The following HMCN2 variants were observed in gnomAD, a reference collection of about 807,000 sequenced individuals.
The protein encoded by HMCN2 is hemicentin 2.
HMCN2 carries 325 observed loss-of-function variants against 377.5 expected under a neutral mutation model. The observed-to-expected ratio is 0.86, with a 90% CI of 0.79 to 0.94. HMCN2 has a LOEUF of 0.94. Ranked by LOEUF, HMCN2 falls within the 40% of genes least tolerant of loss-of-function variation. The pLI is 0.00. For synonymous variants in HMCN2, 2,007 were observed against 2,046.8 expected, an observed-to-expected ratio of 0.98 and a Z score of 0.53; for missense variants, 4,543 against 4,725.3, an observed-to-expected ratio of 0.96 and a Z score of 1.13.
chr9:130,267,128 T>G (rs1554919385), intron 1 of HMCN2, among the ~76,000 whole-genome samples: 2 of 151,938 alleles, frequency 1.3e-5, no homozygotes, highest in Non-Finnish European at 2.9e-5. Flanking sequence ...AAATTTTTTA[T>G]AGACATGGAG....
In HMCN2 at chr9:130,353,033, C is replaced by T. The variant is rs1444692090; in HGVS notation, c.4692C>T (p.Ile1564=). 1.5e-6 allele frequency: 2 copies of T among 1,304,210 alleles called. No homozygotes were observed. The highest frequency in any genetic ancestry group is 2.5e-5 in the South Asian group (2 of 81,018). The allele number at this position is 1,304,210 out of a possible 1,614,324, so 80.8% of individuals were successfully genotyped here. ...CEARGVPTPN[I]TWFKDGALLP... ...CTCGAGGAGTGCCCACCCCAAACAT[C>T]ACCTGGTTCAAGGACGGGGCCCTGC... The change falls in exon 31 of 98, where the codon ATC becomes ATT. Residue 1564 remains isoleucine (I), a synonymous_variant. Transcript: ENST00000683500.
rs1019818924 is a variant in HMCN2 at position 130,396,228 on chromosome 9, C to T, written c.11113C>T (p.Leu3705=). ...GAACGTCTCAGTGAACCAGACAGCC[C>T]TGCTGCCTTGCCAGGCCGACGGCGT... is the stretch of plus-strand genomic sequence containing the variant. ...AVNVSVNQTA[L]LPCQADGVPA... is the part of the protein sequence containing the mutation. The change falls in exon 73 of 98, where the codon CTG becomes TTG. Residue 3705 remains leucine, a synonymous_variant. Coordinates refer to ENST00000683500, the MANE Select transcript of HMCN2 (RefSeq NM_001291815.2). 4 of 1,286,856 alleles carry T rather than the reference C, an allele frequency of 3.1e-6. No individual in the cohort carries two copies. The highest frequency in any genetic ancestry group is 2.5e-5 in the South Asian group (2 of 80,964). The allele number at this position is 1,286,856 out of a possible 1,614,324, so 79.7% of individuals were successfully genotyped here.
At chr9:130,349,165 G>T (rs930038534) in intron 28 of HMCN2, 34 bp downstream of exon 28, 41 of 1,296,922 alleles carry the variant, frequency 3.2e-5, no homozygotes, top group Non-Finnish European at 4.1e-5. Context: ...ACTCCCAAGT[G>T]TGTCTGGCCC....
At chr9:130,309,814 T>C (rs1837124828) in intron 14 of HMCN2, 98 bp from the exon 15 acceptor site, 1 of 349,724 alleles carries the variant, frequency 2.9e-6, no homozygotes, top group African/African-American at 2.2e-5. Context: ...GCCCCAACCT[T>C]GTGCAGCCGC....
rs987886392 is a variant in HMCN2 at position 130,360,665 on chromosome 9, C to A, written c.5950+61C>A. The stretch of plus-strand genomic sequence containing the variant: ...AAAAGTTGTCTTTTCATTCATTTGT[C>A]TATTAGTCTGTCCATCCACCTGTCC... On this transcript the variant is annotated intron_variant, in intron 38 of 97. Transcript: ENST00000683500. The surrounding 1 kb of genome is among the most constrained non-coding windows in gnomAD (Gnocchi z 4.7). 7.3e-6 allele frequency: 8 copies of A among 1,090,820 alleles called. No homozygotes were observed. Among genetic ancestry groups the A allele is most frequent in the Admixed American group, 2.9e-5 (1 of 34,582 alleles). 67.6% of individuals were successfully genotyped at this position (1,090,820 alleles called of 1,614,324 possible). A position where few individuals can be genotyped will look rare whatever the true frequency, so the allele number is the denominator to read the frequency against.
intron 4 of HMCN2, among the ~76,000 whole-genome samples, chr9:130,287,504 T>C (rs1835478467): frequency 4.5e-5 from 6 of 133,554 alleles, no homozygotes. Flanking sequence ...TGAGCCAAGA[T>C]CGTGCCATTG....
At chr9:130,375,817 C>T in intron 50 of HMCN2, 59 bp from the exon 51 acceptor site, 3 of 982,252 alleles carry the variant, frequency 3.1e-6, no homozygotes, top group Non-Finnish European at 3.6e-6. Flanking sequence ...TGAGCCTGTC[C>T]TCATGCCTGG....
At position 130,403,740 on chromosome 9, in the gene HMCN2, G is replaced by A. The variant is rs1458429101; in HGVS notation, c.12014-1G>A. ...CCCCGATTTTCTTCTTCCTCGTTCA[G>A]GAGTGAGTACCCAGGTCCTACCAGG... On this transcript the variant is annotated splice_acceptor_variant, in intron 79 of 97. Coordinates refer to ENST00000683500, the MANE Select transcript of HMCN2 (RefSeq NM_001291815.2). LOFTEE classifies it high-confidence loss of function. The A allele has an allele frequency of 7.8e-7, 1 of 1,289,540 alleles. No homozygotes were observed. The highest frequency in any genetic ancestry group is 2.3e-5 in the Admixed American group (1 of 43,520). 79.9% of individuals were successfully genotyped at this position (1,289,540 alleles called of 1,614,324 possible).
chr9:130,290,013 G>A (rs1009738627), intron 4 of HMCN2, among the ~76,000 whole-genome samples: 1 of 152,222 alleles, frequency 6.6e-6, no homozygotes. Flanking sequence ...GGGTCGAGCA[G>A]CAGCCATCTG....
intron 15 of HMCN2, among the ~76,000 whole-genome samples, 179 bp downstream of exon 15, chr9:130,310,240 T>C (rs1286844494): frequency 1.3e-5 from 2 of 152,344 alleles, no homozygotes; most frequent in East Asian, 3.9e-4. Flanking sequence ...CATCAGCTCT[T>C]GCTGGGTAAC....
At chr9:130,272,496 C>T (rs913484303) in intron 1 of HMCN2, among the ~76,000 whole-genome samples, 6 of 152,054 alleles carry the variant, frequency 3.9e-5, no homozygotes, top group Admixed American at 3.3e-4. Flanking sequence ...CTGCCTTGGC[C>T]TCCCAAAGTC....
chr9:130,389,600 G>T (rs1334087365), intron 62 of HMCN2, among the ~76,000 whole-genome samples: 5 of 151,228 alleles, frequency 3.3e-5, no homozygotes, highest in Admixed American at 1.3e-4. Flanking sequence ...TTTGAGACGG[G>T]GTCTCGCTCT....
At chr9:130,291,195 T>C (rs564650022) in intron 4 of HMCN2, among the ~76,000 whole-genome samples, 2 of 152,314 alleles carry the variant, frequency 1.3e-5, no homozygotes, top group African/African-American at 4.8e-5. Context: ...ACAGCATACT[T>C]GCATACTTGA....
At chr9:130,357,687 G>C (rs937473808) in intron 34 of HMCN2, 147 bp from the exon 35 acceptor site, 11 of 413,404 alleles carry the variant, frequency 2.7e-5, no homozygotes, top group African/African-American at 2.3e-4. Flanking sequence ...TGCGTCTAGG[G>C]GATATGGTGG....
intron 1 of HMCN2, among the ~76,000 whole-genome samples, chr9:130,271,295 C>T (rs1478178889): frequency 1.3e-5 from 2 of 148,756 alleles, no homozygotes; most frequent in Non-Finnish European, 3.0e-5. Context: ...GTGTGCAGCC[C>T]ACGTTTAAAA....
intron 56 of HMCN2, 67 bp downstream of exon 56, chr9:130,382,933 G>A (rs1841809025): frequency 3.4e-6 from 3 of 893,908 alleles, no homozygotes; most frequent in South Asian, 5.1e-5. Flanking sequence ...TTGTCTGGGA[G>A]CCAGGGAGGG....
chr9:130,306,619 G>A (rs904922339), intron 12 of HMCN2, among the ~76,000 whole-genome samples, 192 bp from the exon 13 acceptor site: 6 of 147,116 alleles, frequency 4.1e-5, no homozygotes, highest in Admixed American at 7.0e-5. Context: ...CAGGCTGTGT[G>A]ACCTTGGGCA....
chr9:130,299,897 AC>A (rs1836401608), intron 8 of HMCN2, among the ~76,000 whole-genome samples: 1 of 149,792 alleles, frequency 6.7e-6, no homozygotes, highest in Admixed American at 6.6e-5. Flanking sequence ...CCATCTACCC[AC>A]CCATTCATGC....
chr9:130,432,907 G>T (rs1184601285), intron 97 of HMCN2: 1 of 366,426 alleles, frequency 2.7e-6, no homozygotes, highest in Non-Finnish European at 5.0e-6. Flanking sequence ...CCCTGGAAAG[G>T]TTTCTCCCGG....
Sources: allele counts gnomAD v4.1 joint callset (sites outside exome capture counted in the v4.1 genomes callset), GRCh38; gene constraint gnomAD v4.1.1; non-coding constraint Gnocchi (gnomAD v3.1); transcripts MANE v1.5; gene names NCBI Gene and HGNC (gene_info 2026-07-23, HGNC 2026-07-21).